RRM1: variants seen among roughly 807,000 people sequenced by gnomAD.
RRM1 encodes the protein ribonucleotide reductase catalytic subunit M1.
In RRM1, 19 loss-of-function variants were observed where a neutral mutation model predicts 101.5. The observed-to-expected ratio is 0.19, with a 90% confidence interval of 0.13 to 0.27. The LOEUF (loss-of-function observed/expected upper bound fraction) is 0.27. RRM1 is among the 10% of genes least tolerant of loss of function. The pLI is 1.00. For missense variants in RRM1, 500 were observed against 962.9 expected, an observed-to-expected ratio of 0.52 and a Z score of 6.36; for synonymous variants, 298 against 323.4, an observed-to-expected ratio of 0.92 and a Z score of 0.84.
chr11:4,102,136 T>C, intron 2 of RRM1, 55 bp downstream of exon 2: 2 of 903,324 alleles, frequency 2.2e-6, no homozygotes, highest in East Asian at 4.8e-5. Context: ...TTCTTTCCAT[T>C]TGTCTCTTAT....
chr11:4,110,591 A>T (rs375030035), intron 5 of RRM1, among the ~76,000 whole-genome samples: 81 of 151,572 alleles, frequency 5.3e-4, no homozygotes, highest in African/African-American at 2.0e-3. Context: ...CACGTGGCGA[A>T]ATGCCTTCTC....
rs1388344715 is a variant in RRM1 at position 4,106,186 on chromosome 11, C to T, written c.249C>T (p.Val83=). Residue 83 remains valine, a synonymous_variant, in exon 3 of 19, where the codon GTC becomes GTT. Transcript: ENST00000300738. ...DYAILAARIA[V]SNLHKETKKV... is the part of the protein sequence containing the mutation. Reference sequence around the variant, plus strand: ...CTATCCTGGCAGCCAGGATCGCTGTCTCTAACTTGCACAAAGAAACAAAGA... The same window carrying T: ...CTATCCTGGCAGCCAGGATCGCTGTTTCTAACTTGCACAAAGAAACAAAGA... The T allele has an allele frequency of 1.2e-6, 2 of 1,613,724 alleles. No homozygotes were observed. Among genetic ancestry groups the T allele is most frequent in the South Asian group, 2.2e-5 (2 of 90,976 alleles).
rs1288894573 is a variant in RRM1 at position 4,112,157 on chromosome 11, G to T, written c.650+95G>T. ...ATAATTTAATGACCTTTTAGTAGCT[G>T]CCTGCTCTGATTAAATGAGATTTAG... On this transcript the variant is annotated intron_variant, in intron 7 of 18. Coordinates refer to ENST00000300738, the MANE Select transcript of RRM1 (RefSeq NM_001033.5). 12 of 857,176 alleles carry T rather than the reference G, an allele frequency of 1.4e-5. No homozygotes were observed. The East Asian group carries it at 1.7e-4, about 12-fold the overall frequency. 53.1% of individuals were successfully genotyped at this position (857,176 alleles called of 1,614,324 possible). A position where few individuals can be genotyped will look rare whatever the true frequency, so the allele number is the denominator to read the frequency against.
At chr11:4,122,361 G>T (rs2094583048) in intron 11 of RRM1, 141 bp downstream of exon 11, 3 of 585,664 alleles carry the variant, frequency 5.1e-6, no homozygotes, top group Admixed American at 3.2e-5. Flanking sequence ...GGTCAGATTT[G>T]CTTCCTGACT....
At chr11:4,121,854 C>G (rs547779623) in intron 10 of RRM1, 89 bp downstream of exon 10, 7 of 1,277,492 alleles carry the variant, frequency 5.5e-6, no homozygotes, top group Non-Finnish European at 7.6e-6. Context: ...TAGGAAGAGC[C>G]CATATGTGTG....
At chr11:4,114,198 A>G (rs2094569551) in intron 7 of RRM1, among the ~76,000 whole-genome samples, 1 of 152,162 alleles carries the variant, frequency 6.6e-6, no homozygotes. Flanking sequence ...GACAGTTATC[A>G]TGAATAGAGC....
chr11:4,135,286 C>G lies in RRM1; in HGVS notation c.2190+16C>G. ...CTGGAAGCAGGTTGGTAGAGAATAT[C>G]AAGGAGTACTTAATTGCCAGCTTGA... On this transcript the variant is annotated intron_variant, in intron 18 of 18. Transcript: ENST00000300738. 6.4e-7 allele frequency: 1 copy of G among 1,561,816 alleles called. No homozygotes were observed. The highest frequency in any genetic ancestry group is 8.7e-7 in the Non-Finnish European group (1 of 1,146,682).
chr11:4,124,496 G>C (rs1370273894), intron 12 of RRM1, among the ~76,000 whole-genome samples: 1 of 152,148 alleles, frequency 6.6e-6, no homozygotes, highest in Admixed American at 6.5e-5. Context: ...ACAATGTTAA[G>C]TGCTCTGAGA....
rs73417181 is a variant in RRM1 at position 4,096,335 on chromosome 11, T to C, written c.19+1304T>C. 8.4e-3 allele frequency among the ~76,000 whole-genome samples: 1,277 copies of C among 152,338 alleles called. 19 individuals are homozygous for C. Among genetic ancestry groups the C allele is most frequent in the African/African-American group, 0.029 (1,214 of 41,568 alleles). On this transcript the variant is annotated intron_variant, in intron 1 of 18. Coordinates refer to ENST00000300738, the MANE Select transcript of RRM1 (RefSeq NM_001033.5). Reference sequence around the variant, plus strand: ...AGATGGAGACTTTTCTGTTCACGTTTAGCACAGGACCTGACATGAACAGAT... The same window carrying C: ...AGATGGAGACTTTTCTGTTCACGTTCAGCACAGGACCTGACATGAACAGAT...
rs563487255 is a variant in RRM1 at position 4,123,819 on chromosome 11, A to G, written c.1320+435A>G. ...TGAGACCCTGTCTCAAAACAAACAA[A>G]CAAAAAACCAAAAACAACAACAACA... On this transcript the variant is annotated intron_variant, in intron 12 of 18. Transcript: ENST00000300738. Among the ~76,000 whole-genome samples the G allele has an allele frequency of 1.2e-4, 19 of 152,342 alleles. No individual in the cohort carries two copies. In the South Asian group the frequency reaches 1.7e-3, roughly 13 times the overall value.
intron 9 of RRM1, among the ~76,000 whole-genome samples, chr11:4,120,876 G>C (rs750832172): frequency 1.3e-5 from 2 of 152,122 alleles, no homozygotes; most frequent in Non-Finnish European, 2.9e-5. Context: ...AAAATTAACC[G>C]GGTGTGGTGG....
chr11:4,126,401 G>A (rs2094589594), intron 12 of RRM1, among the ~76,000 whole-genome samples: 1 of 152,194 alleles, frequency 6.6e-6, no homozygotes, highest in Non-Finnish European at 1.5e-5. Flanking sequence ...AACATAGTGT[G>A]ATATATGTCT....
chr11:4,119,998 G>A (rs2094579219), intron 9 of RRM1, 70 bp downstream of exon 9: 2 of 874,204 alleles, frequency 2.3e-6, no homozygotes, highest in Middle Eastern at 2.2e-4. Flanking sequence ...ACTTAAGATG[G>A]TTCATTTATG....
At chr11:4,098,628 C>T (rs554476015) in intron 1 of RRM1, among the ~76,000 whole-genome samples, 3 of 152,156 alleles carry the variant, frequency 2.0e-5, no homozygotes, top group African/African-American at 7.2e-5. Flanking sequence ...AAAGTATAGG[C>T]AGTAGAGGCC....
chr11:4,124,627 A>G (rs1005982798), intron 12 of RRM1, among the ~76,000 whole-genome samples: 4 of 152,164 alleles, frequency 2.6e-5, no homozygotes, highest in African/African-American at 9.6e-5. Flanking sequence ...CATTTTTAAA[A>G]TAAAAATCAG....
At chr11:4,095,792 C>T (rs2094542791) in intron 1 of RRM1, among the ~76,000 whole-genome samples, 1 of 152,138 alleles carries the variant, frequency 6.6e-6, no homozygotes, top group Non-Finnish European at 1.5e-5. Flanking sequence ...CTTTGCTTGG[C>T]TTTGTGAGAT....
At chr11:4,098,100 A>G (rs915287117) in intron 1 of RRM1, among the ~76,000 whole-genome samples, 1 of 152,236 alleles carries the variant, frequency 6.6e-6, no homozygotes, top group Non-Finnish European at 1.5e-5. Context: ...AATTTAGTGT[A>G]GTATTTTCAA....
At chr11:4,136,128 TCA>T (rs1355424048) in intron 18 of RRM1, among the ~76,000 whole-genome samples, 7 of 152,192 alleles carry the variant, frequency 4.6e-5, no homozygotes, top group Middle Eastern at 3.4e-3. Flanking sequence ...TCTGTCTGAC[TCA>T]CAAAGCATTT....
At chr11:4,131,900 G>A (rs1369857422) in intron 15 of RRM1, among the ~76,000 whole-genome samples, 2 of 152,152 alleles carry the variant, frequency 1.3e-5, no homozygotes, top group African/African-American at 4.8e-5. Context: ...TTGGATGAGT[G>A]TAACCTAATA....
Sources: allele counts gnomAD v4.1 joint callset (sites outside exome capture counted in the v4.1 genomes callset), GRCh38; gene constraint gnomAD v4.1.1; transcripts MANE v1.5; gene names NCBI Gene and HGNC (gene_info 2026-07-23, HGNC 2026-07-21).